Variants in SDK1 observed in about 807,000 individuals in gnomAD.
SDK1 encodes the protein sidekick cell adhesion molecule 1.
Under a neutral mutation model 245.5 loss-of-function variants are expected in SDK1, and 157 were observed. The ratio of observed to expected loss-of-function variants is 0.64; its 90% CI spans 0.56 to 0.73. The LOEUF (loss-of-function observed/expected upper bound fraction) is 0.73, where lower values mean the gene tolerates loss of function less well. Ranked by LOEUF, SDK1 falls within the 30% of genes least tolerant of loss-of-function variation. SDK1 has a pLI of 0.00. For synonymous variants in SDK1, 1,647 were observed against 1,278.5 expected, an observed-to-expected ratio of 1.29 and a Z score of -6.15; for missense variants, 3,583 against 3,002.3, an observed-to-expected ratio of 1.19 and a Z score of -4.52.
intron 35 of SDK1, among the ~76,000 whole-genome samples, chr7:4,193,208 T>TTAA (rs1783325524): frequency 4.6e-5 from 6 of 130,962 alleles, no homozygotes; most frequent in African/African-American, 1.8e-4. Context: ...ATTTATATAT[T>TTAA]AATATATATA....
chr7:3,385,374 GGAA>G (rs1409796367), intron 1 of SDK1, among the ~76,000 whole-genome samples: 1 of 151,802 alleles, frequency 6.6e-6, no homozygotes, highest in East Asian at 1.9e-4. Context: ...TATATATAGG[GGAA>G]GAAAATTCCC....
At chr7:4,082,996 G>A (rs952026851) in intron 22 of SDK1, among the ~76,000 whole-genome samples, 4 of 151,942 alleles carry the variant, frequency 2.6e-5, no homozygotes, top group African/African-American at 4.8e-5. Flanking sequence ...ATCTCTTTAC[G>A]GTGGTTTTGA....
intron 5 of SDK1, among the ~76,000 whole-genome samples, chr7:3,847,944 T>TGAAAA (rs1780321618): frequency 6.6e-6 from 1 of 152,124 alleles, no homozygotes; most frequent in African/African-American, 2.4e-5. Flanking sequence ...ATAATGTTCT[T>TGAAAA]TTATGCTTGA....
chr7:3,392,768 C>A (rs1381854095), intron 1 of SDK1, among the ~76,000 whole-genome samples: 2 of 151,970 alleles, frequency 1.3e-5, no homozygotes, highest in Non-Finnish European at 2.9e-5. Context: ...AAGATTCATT[C>A]ATATTATAGC....
intron 1 of SDK1, among the ~76,000 whole-genome samples, chr7:3,586,493 C>G (rs776586518): frequency 6.6e-6 from 1 of 150,540 alleles, no homozygotes; most frequent in Non-Finnish European, 1.5e-5. Context: ...GTCAGGAGAT[C>G]GAGACCATCC....
intron 5 of SDK1, among the ~76,000 whole-genome samples, chr7:3,936,484 C>G (rs1360783825): frequency 6.6e-6 from 1 of 151,566 alleles, no homozygotes; most frequent in Non-Finnish European, 1.5e-5. Flanking sequence ...ACTCGGGAGG[C>G]TGAGGCAGGA....
intron 28 of SDK1, among the ~76,000 whole-genome samples, chr7:4,144,014 C>G (rs1779774770): frequency 6.6e-6 from 1 of 152,130 alleles, no homozygotes; most frequent in African/African-American, 2.4e-5. Context: ...GACTGAGCTT[C>G]CATTGTGTGT....
chr7:3,653,850 T>G (rs1036451490), intron 4 of SDK1, among the ~76,000 whole-genome samples: 34 of 152,206 alleles, frequency 2.2e-4, no homozygotes, highest in African/African-American at 8.0e-4. Context: ...TCTGCTCTGT[T>G]GCACTTCAGC....
chr7:3,357,198 G>C (rs1780821974), intron 1 of SDK1, among the ~76,000 whole-genome samples: 1 of 151,524 alleles, frequency 6.6e-6, no homozygotes, highest in Admixed American at 6.6e-5. Flanking sequence ...TGTTTGTAAA[G>C]TCACATGATT....
intron 1 of SDK1, among the ~76,000 whole-genome samples, chr7:3,428,014 C>G (rs1299438589): frequency 1.3e-5 from 2 of 152,146 alleles, no homozygotes; most frequent in Admixed American, 6.5e-5. Flanking sequence ...GCTGTACTTT[C>G]ATCTTTGCTG....
intron 22 of SDK1, among the ~76,000 whole-genome samples, chr7:4,108,433 G>T (rs982594106): frequency 6.6e-6 from 1 of 150,884 alleles, no homozygotes; most frequent in Admixed American, 6.6e-5. Context: ...TTTGGCTGAA[G>T]TGAGGATATG....
At chr7:3,443,047 A>G in intron 1 of SDK1, among the ~76,000 whole-genome samples, 1 of 144,518 alleles carries the variant, frequency 6.9e-6, no homozygotes, top group Non-Finnish European at 1.5e-5. Flanking sequence ...CCAGCCTGTA[A>G]AAATAAAAAT....
chr7:3,724,389 A>G (rs1437535043), intron 4 of SDK1, among the ~76,000 whole-genome samples: 1 of 152,090 alleles, frequency 6.6e-6, no homozygotes, highest in Non-Finnish European at 1.5e-5. Context: ...CCTGGGCAAC[A>G]TAGTGAGACC....
intron 1 of SDK1, among the ~76,000 whole-genome samples, chr7:3,454,406 G>GTGTGTGTGTGTC (rs1554273973): frequency 1.3e-5 from 2 of 149,972 alleles, no homozygotes; most frequent in African/African-American, 2.5e-5. Context: ...GTGTGTGTGT[G>GTGTGTGTGTGTC]TGTGTGTGTG....
At chr7:3,324,278 A>G (rs1562414479) in intron 1 of SDK1, among the ~76,000 whole-genome samples, 2 of 152,236 alleles carry the variant, frequency 1.3e-5, no homozygotes, top group Admixed American at 6.5e-5. Flanking sequence ...AAGGAAGACA[A>G]ATAGTATATT....
At chr7:4,051,187 AT>A (rs2128166550) in intron 18 of SDK1, among the ~76,000 whole-genome samples, 1 of 140,856 alleles carries the variant, frequency 7.1e-6, no homozygotes, top group African/African-American at 2.6e-5. Context: ...TATACATTAT[AT>A]ATGTGTATAT....
chr7:3,376,579 A>T (rs1781361441), intron 1 of SDK1, among the ~76,000 whole-genome samples: 1 of 152,214 alleles, frequency 6.6e-6, no homozygotes, highest in Admixed American at 6.5e-5. Flanking sequence ...TATTTACCAG[A>T]TTCACAGAGG....
At chr7:3,304,935 C>A (rs1779378467) in intron 1 of SDK1, among the ~76,000 whole-genome samples, 1 of 152,174 alleles carries the variant, frequency 6.6e-6, no homozygotes, top group Admixed American at 6.5e-5. Context: ...CCCCTCCTCC[C>A]TCCAGGTGAT....
chr7:4,107,396 G>C (rs1309826584), intron 22 of SDK1, among the ~76,000 whole-genome samples: 1 of 152,228 alleles, frequency 6.6e-6, no homozygotes, highest in Non-Finnish European at 1.5e-5. Context: ...CGCCCTGACT[G>C]CTGGCTCTTT....
Sources: allele counts gnomAD v4.1 joint callset (sites outside exome capture counted in the v4.1 genomes callset), GRCh38; gene constraint gnomAD v4.1.1; transcripts MANE v1.5; gene names NCBI Gene and HGNC (gene_info 2026-07-23, HGNC 2026-07-21).